The following KCNQ1 variants were observed in gnomAD, a reference collection of about 807,000 sequenced individuals.
The protein encoded by KCNQ1 is potassium voltage-gated channel subfamily Q member 1.
In KCNQ1, 49 loss-of-function variants were observed where a neutral mutation model predicts 72.4. The ratio of observed to expected loss-of-function variants is 0.68; its 90% confidence interval spans 0.54 to 0.86. The LOEUF (loss-of-function observed/expected upper bound fraction) is 0.86, where lower values mean the gene tolerates loss of function less well. Among genes scored for constraint, KCNQ1 ranks in the 40% least tolerant of loss-of-function variants. KCNQ1 has a pLI of 0.00. For missense variants in KCNQ1, 790 were observed against 945.1 expected (o/e 0.84, Z 2.15); for synonymous variants, 450 against 412.6 (o/e 1.09, Z -1.10).
intron 15 of KCNQ1, among the ~76,000 whole-genome samples, chr11:2,799,991 C>T (rs1421709921): frequency 1.3e-5 from 2 of 152,170 alleles, no homozygotes; most frequent in African/African-American, 2.4e-5. Context: ...GGGTAGCTGC[C>T]TAAGGGTGGG....
At chr11:2,467,875 G>A (rs902439330) in intron 1 of KCNQ1, among the ~76,000 whole-genome samples, 33 of 152,244 alleles carry the variant, frequency 2.2e-4, no homozygotes, top group African/African-American at 7.7e-4. Context: ...CACCCGCACT[G>A]GGGCTGCTGT....
At chr11:2,453,149 G>A (rs536090468) in intron 1 of KCNQ1, among the ~76,000 whole-genome samples, 10 of 152,342 alleles carry the variant, frequency 6.6e-5, no homozygotes, top group Admixed American at 3.9e-4. Context: ...CAAGGCGGGC[G>A]GATCACCTTA....
At position 2,661,542 on chromosome 11, in the gene KCNQ1, C is replaced by T. The variant is rs376288282; in HGVS notation, c.1394-419C>T. On this transcript the variant is annotated intron_variant, in intron 10 of 15. Transcript: ENST00000155840. The surrounding 1 kb of genome is among the most constrained non-coding windows in gnomAD (Gnocchi z 5.9). ...TCACCCCATCTTTCCTGACCCACTA[C>T]TCTGTCAATGTATGAGTGTGACAAT... 4.0e-6 allele frequency: 2 copies of T among 502,650 alleles called. No homozygotes were observed. The highest frequency in any genetic ancestry group is 7.0e-6 in the Non-Finnish European group (2 of 285,650). The allele number at this position is 502,650 out of a possible 1,614,324, so 31.1% of individuals were successfully genotyped here. A position where few individuals can be genotyped will look rare whatever the true frequency, so the allele number is the denominator to read the frequency against.
In KCNQ1 at chr11:2,473,582, T is replaced by A. The variant is rs1210099960; in HGVS notation, c.386+28098T>A. On this transcript the variant is annotated intron_variant, in intron 1 of 15. Transcript: ENST00000155840. The surrounding 1 kb of genome is among the most constrained non-coding windows in gnomAD (Gnocchi z 6.0). ...AGCATGGCACAGACGCTCAGCCGTG[T>A]CATGTGGCTTGTAGAGCGAGGGTGT... 1.3e-5 allele frequency among the ~76,000 whole-genome samples: 2 copies of A among 152,200 alleles called. No homozygotes were observed. The highest frequency in any genetic ancestry group is 2.9e-5 in the Non-Finnish European group (2 of 68,032).
Position 2,564,027 on chromosome 11 carries a change from G to A in KCNQ1, c.478-6601G>A, listed in dbSNP as rs188278809. Among the ~76,000 whole-genome samples, 64 of 152,216 alleles carry A rather than the reference G, an allele frequency of 4.2e-4. 1 individual carries two copies. Among genetic ancestry groups the A allele is most frequent in the South Asian group, 6.2e-4 (3 of 4,820 alleles). On this transcript the variant is annotated intron_variant, in intron 2 of 15. Transcript: ENST00000155840. The surrounding 1 kb of genome is among the most constrained non-coding windows in gnomAD (Gnocchi z 4.5). ...GAATCCTTTTGGAGACCTGACCCGC[G>A]GGAGCCCAGGTGAGCAACCGCCACG...
intron 10 of KCNQ1, chr11:2,633,521 A>C (rs1281246930): frequency 2.5e-6 from 1 of 398,532 alleles, no homozygotes; most frequent in East Asian, 3.6e-5. Context: ...TTAAGTCTCT[A>C]ATCAATTTTG....
rs541269337 is a variant in KCNQ1, at chr11:2,715,075, G to C, written c.1514+52994G>C. On this transcript the variant is annotated intron_variant, in intron 11 of 15. Coordinates refer to ENST00000155840, the MANE Select transcript of KCNQ1 (RefSeq NM_000218.3). This position sits in a 1 kb window ranked among gnomAD's most constrained non-coding sequence, Gnocchi z 4.9. Reference sequence around the variant, plus strand: ...GAGGAGTAGCAGGGTGGGGTCCGGCGGTAATGCCACTGATGATACTTGGCG... The same window carrying C: ...GAGGAGTAGCAGGGTGGGGTCCGGCCGTAATGCCACTGATGATACTTGGCG... Among the ~76,000 whole-genome samples, 2 of 152,078 alleles carry C rather than the reference G, an allele frequency of 1.3e-5. No homozygotes were observed. Among genetic ancestry groups the C allele is most frequent in the Non-Finnish European group, 2.9e-5 (2 of 68,018 alleles).
chr11:2,797,337 AT>A (rs148187311), intron 15 of KCNQ1, among the ~76,000 whole-genome samples: 4,574 of 152,306 alleles, frequency 0.03, 81 homozygotes, highest in Non-Finnish European at 0.046. Context: ...ATGAGTCCTC[AT>A]GCTGTGCGTC....
In KCNQ1 at chr11:2,815,205, A is replaced by C. The variant is rs1847589901; in HGVS notation, c.1795-32562A>C. ...CCCAAGTCTGGGGTGGCCAGGTCAC[A>C]GCTTGAACCTGGGCAGCCTTTATTC... On this transcript the variant is annotated intron_variant, in intron 15 of 15. Coordinates refer to ENST00000155840, the MANE Select transcript of KCNQ1 (RefSeq NM_000218.3). The surrounding 1 kb of genome is among the most constrained non-coding windows in gnomAD (Gnocchi z 5.4). Among the ~76,000 whole-genome samples the C allele has an allele frequency of 6.6e-6, 1 of 152,188 alleles. No individual in the cohort carries two copies. Among genetic ancestry groups the C allele is most frequent in the Non-Finnish European group, 1.5e-5 (1 of 68,014 alleles).
At chr11:2,609,279 A>G (rs1291685024) in intron 10 of KCNQ1, 2 of 398,178 alleles carry the variant, frequency 5.0e-6, no homozygotes, top group South Asian at 1.3e-4. Context: ...TCTTTCACCC[A>G]TTGATTATTT....
chr11:2,616,006 G>A (rs1849057452), intron 10 of KCNQ1: 1 of 397,974 alleles, frequency 2.5e-6, no homozygotes, highest in Non-Finnish European at 4.4e-6. Flanking sequence ...TTCATTGGAA[G>A]GTTTTTGGTT....
At position 2,748,529 on chromosome 11, in the gene KCNQ1, C is replaced by T. The variant is rs944568538; in HGVS notation, c.1515-20315C>T. 2.0e-5 allele frequency among the ~76,000 whole-genome samples: 3 copies of T among 152,196 alleles called. No individual in the cohort carries two copies. The highest frequency in any genetic ancestry group is 4.8e-5 in the African/African-American group (2 of 41,464). ...GCCCGAGGGCCCAGCTGGGCGTCCACGTGGAGGTGTGGGGCCCGGGTGGGA... is the reference window on the plus strand; with the variant it reads ...GCCCGAGGGCCCAGCTGGGCGTCCATGTGGAGGTGTGGGGCCCGGGTGGGA... On this transcript the variant is annotated intron_variant, in intron 11 of 15. Transcript: ENST00000155840. This position sits in a 1 kb window ranked among gnomAD's most constrained non-coding sequence, Gnocchi z 6.2.
chr11:2,665,348 A>T (rs1850047752), intron 11 of KCNQ1: 1 of 398,184 alleles, frequency 2.5e-6, no homozygotes, highest in South Asian at 1.3e-4. Flanking sequence ...CTGCATGGGC[A>T]GTTGGGGAGC....
In KCNQ1 at chr11:2,645,312, A is replaced by G. The variant is rs1849649217; in HGVS notation, c.1394-16649A>G. 5.0e-6 allele frequency: 2 copies of G among 398,582 alleles called. No individual in the cohort carries two copies. The highest frequency in any genetic ancestry group is 8.8e-6 in the Non-Finnish European group (2 of 226,172). 24.7% of individuals were successfully genotyped at this position (398,582 alleles called of 1,614,324 possible). A position where few individuals can be genotyped will look rare whatever the true frequency, so the allele number is the denominator to read the frequency against. ...CCCCCAGGAGTGCTCAGGTGCCAAC[A>G]ATACTGGATAGGGCAGGGTGATCCC... On this transcript the variant is annotated intron_variant, in intron 10 of 15. Coordinates refer to ENST00000155840, the MANE Select transcript of KCNQ1 (RefSeq NM_000218.3). This position sits in a 1 kb window ranked among gnomAD's most constrained non-coding sequence, Gnocchi z 5.8.
Position 2,767,914 on chromosome 11 carries a change from A to C in KCNQ1, c.1515-930A>C, listed in dbSNP as rs1846526382. Among the ~76,000 whole-genome samples, 1 of 152,100 alleles carries C rather than the reference A, an allele frequency of 6.6e-6. No individual in the cohort carries two copies. The highest frequency in any genetic ancestry group is 2.4e-5 in the African/African-American group (1 of 41,410). On this transcript the variant is annotated intron_variant, in intron 11 of 15. Coordinates refer to ENST00000155840, the MANE Select transcript of KCNQ1 (RefSeq NM_000218.3). The surrounding 1 kb of genome is among the most constrained non-coding windows in gnomAD (Gnocchi z 4.6). Reference sequence around the variant, plus strand: ...GCTGTCCTGTGGCCCTGGACTCCACATTTTTATCACTAGCCCACTGGGCCC... The same window carrying C: ...GCTGTCCTGTGGCCCTGGACTCCACCTTTTTATCACTAGCCCACTGGGCCC...
At chr11:2,573,062 G>A (rs1848366368) in intron 6 of KCNQ1, 76 bp downstream of exon 6, 3 of 1,536,086 alleles carry the variant, frequency 2.0e-6, no homozygotes, top group South Asian at 2.4e-5. Context: ...GGGCACTGGT[G>A]TCTTGAGACT....
chr11:2,835,498 G>T (rs375162191), intron 15 of KCNQ1, among the ~76,000 whole-genome samples: 7 of 152,326 alleles, frequency 4.6e-5, no homozygotes, highest in African/African-American at 1.7e-4. Context: ...CTGGCCTCTG[G>T]TGACTATTCT....
chr11:2,836,910 G>A (rs548937182), intron 15 of KCNQ1, among the ~76,000 whole-genome samples: 6 of 152,312 alleles, frequency 3.9e-5, no homozygotes, highest in South Asian at 2.1e-4. Flanking sequence ...TTTATTTGGC[G>A]GGAGAACGTC....
At chr11:2,807,844 C>T (rs1847411199) in intron 15 of KCNQ1, among the ~76,000 whole-genome samples, 1 of 152,172 alleles carries the variant, frequency 6.6e-6, no homozygotes, top group Non-Finnish European at 1.5e-5. Flanking sequence ...TGCCTCCTGG[C>T]CCCCAATCCG....
Sources: allele counts gnomAD v4.1 joint callset (sites outside exome capture counted in the v4.1 genomes callset), GRCh38; gene constraint gnomAD v4.1.1; non-coding constraint Gnocchi (gnomAD v3.1); transcripts MANE v1.5; gene names NCBI Gene and HGNC (gene_info 2026-07-23, HGNC 2026-07-21).